KBTBD2: variants seen among roughly 807,000 people sequenced by gnomAD.
KBTBD2 encodes kelch repeat and BTB domain containing 2.
A neutral mutation model predicts 57.1 loss-of-function variants in KBTBD2; 17 were observed. The ratio of observed to expected loss-of-function variants is 0.30; its 90% CI spans 0.20 to 0.45. KBTBD2 has a LOEUF of 0.45. KBTBD2 is among the 20% of genes least tolerant of loss of function. The pLI is 1.00. For synonymous variants in KBTBD2, 267 were observed against 262.7 expected (o/e 1.02, Z -0.16); for missense variants, 515 against 750.6 (o/e 0.69, Z 3.67).
intron 1 of KBTBD2, among the ~76,000 whole-genome samples, chr7:32,884,234 C>T (rs1480171546): frequency 6.6e-6 from 1 of 152,082 alleles, no homozygotes; most frequent in African/African-American, 2.4e-5. Flanking sequence ...AACTTTTGGC[C>T]AGCTGTGCTG....
intron 1 of KBTBD2, among the ~76,000 whole-genome samples, chr7:32,884,936 A>C (rs962246882): frequency 2.7e-5 from 4 of 148,242 alleles, no homozygotes; most frequent in African/African-American, 1.0e-4. Context: ...TATTTTTAAA[A>C]ATTTATATTT....
At chr7:32,876,349 G>C (rs1181598587) in intron 2 of KBTBD2, among the ~76,000 whole-genome samples, 1 of 152,156 alleles carries the variant, frequency 6.6e-6, no homozygotes, top group Non-Finnish European at 1.5e-5. Flanking sequence ...TGTTCAAGGG[G>C]CATAGCTTGA....
chr7:32,874,352 ATCG>A (rs1784256113), intron 3 of KBTBD2, among the ~76,000 whole-genome samples: 1 of 152,048 alleles, frequency 6.6e-6, no homozygotes, highest in Non-Finnish European at 1.5e-5. Flanking sequence ...CTGAGCTGAG[ATCG>A]CGCCACTAGA....
At chr7:32,886,207 G>A (rs1220714200) in intron 1 of KBTBD2, among the ~76,000 whole-genome samples, 1 of 152,078 alleles carries the variant, frequency 6.6e-6, no homozygotes, top group East Asian at 1.9e-4. Context: ...ACCACGTCCG[G>A]CCTCTACCCA....
intron 1 of KBTBD2, among the ~76,000 whole-genome samples, chr7:32,883,006 C>G (rs1210432948): frequency 6.6e-6 from 1 of 151,952 alleles, no homozygotes; most frequent in Non-Finnish European, 1.5e-5. Flanking sequence ...AAAACAAAAA[C>G]AAAAAATAAT....
rs1253852237 is a variant in KBTBD2 at position 32,875,136 on chromosome 7, T to C, written c.192A>G (p.Leu64=). The change falls in exon 3 of 4, where the codon CTA becomes CTG. Residue 64 remains leucine (L), a synonymous_variant. Coordinates refer to ENST00000304056, the MANE Select transcript of KBTBD2 (RefSeq NM_015483.3). ...GTACATGGGTTTGTTTGCTTTCACT[T>C]AGTCCACTCATAAACATGGCCCTAC... ...SYFRAMFMSG[L]SESKQTHVHL... is the part of the protein sequence containing the mutation. 6.2e-7 allele frequency: 1 copy of C among 1,614,056 alleles called. No homozygotes were observed. The highest frequency in any genetic ancestry group is 1.3e-5 in the African/African-American group (1 of 74,938).
chr7:32,878,672 T>C (rs1583781847), intron 2 of KBTBD2, among the ~76,000 whole-genome samples: 2 of 152,248 alleles, frequency 1.3e-5, no homozygotes, highest in Non-Finnish European at 2.9e-5. Context: ...AGTAGAAATA[T>C]ACAGGTCCAC....
chr7:32,877,969 G>C (rs184173811), intron 2 of KBTBD2, among the ~76,000 whole-genome samples: 1 of 151,866 alleles, frequency 6.6e-6, no homozygotes. Context: ...AAAATTAGCC[G>C]GGCATGGTGG....
intron 3 of KBTBD2, among the ~76,000 whole-genome samples, chr7:32,871,335 C>A (rs748684724): frequency 1.3e-5 from 2 of 152,164 alleles, no homozygotes; most frequent in Admixed American, 6.5e-5. Context: ...AAATCATGCA[C>A]AATGAGTAAG....
intron 1 of KBTBD2, among the ~76,000 whole-genome samples, chr7:32,886,294 T>A (rs1784580268): frequency 6.6e-6 from 1 of 152,178 alleles, no homozygotes; most frequent in Non-Finnish European, 1.5e-5. Flanking sequence ...AAGTCAAAAA[T>A]TTATAAACTG....
chr7:32,882,061 C>T (rs1440152645), intron 1 of KBTBD2, among the ~76,000 whole-genome samples: 1 of 143,404 alleles, frequency 7.0e-6, no homozygotes, highest in African/African-American at 2.7e-5. Flanking sequence ...TCAGGTTTTA[C>T]TAGCAAAGAT....
rs1391870818 is a variant in KBTBD2 at position 32,876,442 on chromosome 7, AAG to A, written c.171-1287_171-1286del. Among the ~76,000 whole-genome samples, 4 of 152,208 alleles carry A rather than the reference AAG, an allele frequency of 2.6e-5. No individual in the cohort carries two copies. The South Asian group carries it at 6.2e-4, about 24-fold the overall frequency. On this transcript the variant is annotated intron_variant, in intron 2 of 3. Transcript: ENST00000304056. ...ATCACAGAGGGCCTTTAAATGAGAC[AAG>A]AGAGTCTGAGCTTTTCCTTGTAGAT...
At chr7:32,884,599 A>G (rs1583788937) in intron 1 of KBTBD2, among the ~76,000 whole-genome samples, 2 of 151,844 alleles carry the variant, frequency 1.3e-5, no homozygotes, top group Admixed American at 1.3e-4. Flanking sequence ...CTGAGGCAGG[A>G]GAATGGCTTG....
Position 32,874,981 on chromosome 7 carries a change from T to A in KBTBD2, c.336+11A>T, listed in dbSNP as rs1409316564. ...GAGAGACTCCGTCTAAAAAAATATA[T>A]ATATGCTTACCTGTAGGAAGCAAGC... On this transcript the variant is annotated intron_variant, in intron 3 of 3. Transcript: ENST00000304056. 3 of 1,611,448 alleles carry A rather than the reference T, an allele frequency of 1.9e-6. No homozygotes were observed. Among genetic ancestry groups the A allele is most frequent in the East Asian group, 4.5e-5 (2 of 44,820 alleles).
rs1310195105 is a variant in KBTBD2, at chr7:32,869,764, T to C, written c.1453A>G (p.Ile485Val). ...TCTACAGTGCCAGAGGGGAGTCTTA[T>C]GCCGGAATTGGTAGCAATATGCAAC... The part of the protein sequence containing the change: ...GGLHIATNSG[I>V]RLPSGTVDGS... The change falls in exon 4 of 4, where the codon ATA becomes GTA. Residue 485 changes from isoleucine (I) to valine (V), a missense_variant. Transcript: ENST00000304056. 2.5e-6 allele frequency: 4 copies of C among 1,613,984 alleles called. No homozygotes were observed. The highest frequency in any genetic ancestry group is 8.5e-7 in the Non-Finnish European group (1 of 1,180,036).
At chr7:32,874,163 G>T (rs1051148513) in intron 3 of KBTBD2, among the ~76,000 whole-genome samples, 35 of 152,232 alleles carry the variant, frequency 2.3e-4, no homozygotes, top group Non-Finnish European at 4.7e-4. Flanking sequence ...ACTTTGGGAG[G>T]CCAAGGTGGG....
chr7:32,880,893 G>A (rs1394716106), intron 1 of KBTBD2, among the ~76,000 whole-genome samples: 3 of 152,192 alleles, frequency 2.0e-5, no homozygotes, highest in African/African-American at 7.2e-5. Context: ...ACAACGTCAG[G>A]AGTTCGAGAC....
chr7:32,891,241 T>G (rs1049796172), intron 1 of KBTBD2: 3 of 149,772 alleles, frequency 2.0e-5, no homozygotes, highest in African/African-American at 4.9e-5. Context: ...AGGCGCCCGG[T>G]GCCGGGGCCG....
upstream of KBTBD2, chr7:32,892,002 C>T (rs549671249): frequency 9.4e-6 from 1 of 106,308 alleles, no homozygotes; most frequent in Non-Finnish European, 1.8e-5. Flanking sequence ...GCCGCCCTCC[C>T]GCCTCGCGCG....
Sources: allele counts gnomAD v4.1 joint callset (sites outside exome capture counted in the v4.1 genomes callset), GRCh38; gene constraint gnomAD v4.1.1; transcripts MANE v1.5; gene names NCBI Gene and HGNC (gene_info 2026-07-23, HGNC 2026-07-21).